Variants in WARS2 observed in about 807,000 individuals in gnomAD.
The protein encoded by WARS2 is tryptophanyl tRNA synthetase 2, mitochondrial.
WARS2 carries 28 observed loss-of-function variants against 36.5 expected under a neutral mutation model. That is an observed-to-expected ratio of 0.77 (90% CI 0.57 to 1.05). WARS2 has a LOEUF of 1.05. Among genes scored for constraint, WARS2 ranks in the 50% least tolerant of loss-of-function variants. The pLI is 0.00. For missense variants in WARS2, 435 were observed against 456.8 expected, an observed-to-expected ratio of 0.95 and a Z score of 0.44; for synonymous variants, 174 against 178.4, an observed-to-expected ratio of 0.98 and a Z score of 0.20.
intron 2 of WARS2, among the ~76,000 whole-genome samples, chr1:119,047,169 A>C (rs1312708833): frequency 6.6e-6 from 1 of 152,232 alleles, no homozygotes; most frequent in African/African-American, 2.4e-5. Context: ...AACAGAAACT[A>C]ACCCTGGATG....
At chr1:119,056,420 T>C (rs900980751) in intron 2 of WARS2, among the ~76,000 whole-genome samples, 1 of 150,578 alleles carries the variant, frequency 6.6e-6, no homozygotes, top group Non-Finnish European at 1.5e-5. Flanking sequence ...TTTCTTTTGG[T>C]TCATATAACA....
At chr1:119,096,700 G>A (rs891092055) in intron 1 of WARS2, among the ~76,000 whole-genome samples, 1 of 152,024 alleles carries the variant, frequency 6.6e-6, no homozygotes, top group Non-Finnish European at 1.5e-5. Flanking sequence ...TAATTAGCAT[G>A]AATAGAATAT....
At chr1:119,068,290 TG>T (rs1651032725) in intron 2 of WARS2, among the ~76,000 whole-genome samples, 1 of 152,210 alleles carries the variant, frequency 6.6e-6, no homozygotes. Context: ...TTTAAGGCCT[TG>T]GTTTTATACC....
At chr1:119,108,016 T>G (rs1654364487) in intron 1 of WARS2, among the ~76,000 whole-genome samples, 1 of 152,098 alleles carries the variant, frequency 6.6e-6, no homozygotes, top group East Asian at 1.9e-4. Context: ...CTCACATACC[T>G]GATATAAATC....
chr1:119,070,236 A>C (rs970028781), intron 2 of WARS2, among the ~76,000 whole-genome samples: 1 of 152,134 alleles, frequency 6.6e-6, no homozygotes, highest in Non-Finnish European at 1.5e-5. Flanking sequence ...AGTCATATAC[A>C]TGAAATAGCT....
At chr1:119,058,317 T>TC (rs1262501704) in intron 2 of WARS2, among the ~76,000 whole-genome samples, 1 of 132,362 alleles carries the variant, frequency 7.6e-6, no homozygotes, top group Non-Finnish European at 1.6e-5. Flanking sequence ...CTTTTTTTTT[T>TC]TTTTTATACT....
At position 119,056,226 on chromosome 1, in the gene WARS2, G is replaced by A. The variant is rs1219519310; in HGVS notation, c.349-10564C>T. Among the ~76,000 whole-genome samples the A allele has an allele frequency of 2.9e-5, 4 of 135,656 alleles. No homozygotes were observed. In the East Asian group the frequency reaches 8.3e-4, roughly 28 times the overall value. 89.0% of individuals were successfully genotyped at this position (135,656 alleles called of 152,430 possible). ...TTTTTTTTGTAATTTTAGTACAGAC[G>A]AGGTTTTGCCATGTAGCCCAGGCTG... is the stretch of plus-strand genomic sequence containing the variant. On this transcript the variant is annotated intron_variant, in intron 2 of 5. Coordinates refer to ENST00000235521, the MANE Select transcript of WARS2 (RefSeq NM_015836.4).
At chr1:119,106,845 G>A (rs1390753591) in intron 1 of WARS2, among the ~76,000 whole-genome samples, 1 of 152,220 alleles carries the variant, frequency 6.6e-6, no homozygotes, top group Non-Finnish European at 1.5e-5. Flanking sequence ...GTGCCAGATT[G>A]TATGGTAAGA....
intron 2 of WARS2, 126 bp from the exon 3 acceptor site, chr1:119,045,788 G>A (rs1648751792): frequency 2.7e-6 from 2 of 741,034 alleles, no homozygotes; most frequent in South Asian, 1.7e-5. Context: ...ATAAGAACAG[G>A]TGAAGGGGGC....
chr1:119,077,753 G>GAAAAAAAATGCAATACAAAGT (rs1651861639), intron 1 of WARS2, among the ~76,000 whole-genome samples: 1 of 150,870 alleles, frequency 6.6e-6, no homozygotes, highest in Non-Finnish European at 1.5e-5. Context: ...AAAATGAAAA[G>GAAAAAAAATGCAATACAAAGT]AAAAAAAATG....
chr1:119,137,980 A>G (rs1656630301), intron 1 of WARS2, among the ~76,000 whole-genome samples: 1 of 152,230 alleles, frequency 6.6e-6, no homozygotes, highest in South Asian at 2.1e-4. Flanking sequence ...AGTTTCTAAC[A>G]TAGCACTGTT....
chr1:119,041,133 C>T (rs1031059799), intron 4 of WARS2, among the ~76,000 whole-genome samples: 4 of 152,144 alleles, frequency 2.6e-5, no homozygotes, highest in Admixed American at 6.5e-5. Flanking sequence ...AGTCATGCCA[C>T]GAGGTACAGA....
At position 119,098,734 on chromosome 1, in the gene WARS2, C is replaced by T. The variant is rs587733571; in HGVS notation, c.91-22127G>A. ...GATTACAGGCGTGAGCCACCATGCC[C>T]GGGCTTTATTATTATTTTTTAAGAC... On this transcript the variant is annotated intron_variant, in intron 1 of 5. Transcript: ENST00000235521. Among the ~76,000 whole-genome samples the T allele has an allele frequency of 3.4e-5, 5 of 148,876 alleles. 1 individual carries two copies. The South Asian group carries it at 1.1e-3, about 32-fold the overall frequency.
chr1:119,096,228 T>C lies in WARS2; in HGVS notation c.91-19621A>G, dbSNP rs371440242. Among the ~76,000 whole-genome samples, 5 of 152,344 alleles carry C rather than the reference T, an allele frequency of 3.3e-5. No individual in the cohort carries two copies. In the South Asian group the frequency reaches 1.0e-3, roughly 32 times the overall value. On this transcript the variant is annotated intron_variant, in intron 1 of 5. Coordinates refer to ENST00000235521, the MANE Select transcript of WARS2 (RefSeq NM_015836.4). The stretch of plus-strand genomic sequence containing the variant: ...TTAATACACTGAGGAAACATGTATT[T>C]CAATTGTAAAGTAATGCAGCAACAA...
At chr1:119,101,804 C>T (rs987003686) in intron 1 of WARS2, among the ~76,000 whole-genome samples, 10 of 152,066 alleles carry the variant, frequency 6.6e-5, no homozygotes, top group African/African-American at 2.2e-4. Flanking sequence ...GCCACTGAAA[C>T]CACAAATATT....
chr1:119,056,480 A>G (rs1325064607), intron 2 of WARS2, among the ~76,000 whole-genome samples: 1 of 148,614 alleles, frequency 6.7e-6, no homozygotes, highest in Middle Eastern at 3.2e-3. Flanking sequence ...TATAGTATAT[A>G]TTTAGTCCAT....
At chr1:119,035,980 G>C (rs1020686836) in intron 4 of WARS2, among the ~76,000 whole-genome samples, 3 of 152,166 alleles carry the variant, frequency 2.0e-5, no homozygotes, top group African/African-American at 7.2e-5. Flanking sequence ...CAAGGTGGGC[G>C]GGTCACCTGA....
At chr1:119,130,275 A>C (rs2101566995) in intron 1 of WARS2, among the ~76,000 whole-genome samples, 1 of 152,374 alleles carries the variant, frequency 6.6e-6, no homozygotes, top group Middle Eastern at 3.4e-3. Context: ...ACACTTATTG[A>C]ACTAGACAGT....
At chr1:119,127,809 T>C (rs1382061302) in intron 1 of WARS2, among the ~76,000 whole-genome samples, 1 of 152,152 alleles carries the variant, frequency 6.6e-6, no homozygotes, top group Non-Finnish European at 1.5e-5. Flanking sequence ...ATTGTCAATC[T>C]CTCTATCTTT....
Sources: gnomAD v4.1 joint callset for allele counts (sites outside exome capture counted in the v4.1 genomes callset) on GRCh38, gnomAD v4.1.1 for gene constraint, MANE v1.5 for transcripts, NCBI Gene and HGNC (gene_info 2026-07-23, HGNC 2026-07-21) for gene names.